The following ITGA3 variants were observed in gnomAD, a reference collection of about 807,000 sequenced individuals.
The protein encoded by ITGA3 is integrin subunit alpha 3.
ITGA3 carries 70 observed loss-of-function variants against 131.1 expected under a neutral mutation model. The ratio of observed to expected loss-of-function variants is 0.53; its 90% CI spans 0.44 to 0.65. The LOEUF is 0.65. Among genes scored for constraint, ITGA3 ranks in the 30% least tolerant of loss-of-function variants. The probability of loss-of-function intolerance (pLI) is 0.00; values close to 1 mark genes in which losing one functional copy is unlikely to be tolerated. For missense variants in ITGA3, 1,098 were observed against 1,388.6 expected, an observed-to-expected ratio of 0.79 and a Z score of 3.33; for synonymous variants, 537 against 571.6, an observed-to-expected ratio of 0.94 and a Z score of 0.86.
intron 3 of ITGA3, chr17:50,065,715 CTCTTCTT>C (rs1479378795): frequency 6.8e-6 from 1 of 146,518 alleles, no homozygotes; most frequent in Non-Finnish European, 1.5e-5. Context: ...TCTTTTCTTT[CTCTTCTT>C]TCTTCTTTCT....
chr17:50,072,226 C>T (rs1908666002), intron 7 of ITGA3, 44 bp downstream of exon 7: 1 of 1,542,826 alleles, frequency 6.5e-7, no homozygotes, highest in Non-Finnish European at 8.9e-7. Flanking sequence ...CTCCAGCACC[C>T]CTCCTCCCAG....
At chr17:50,082,523 C>T (rs7221307) in intron 23 of ITGA3, among the ~76,000 whole-genome samples, 1 of 150,974 alleles carries the variant, frequency 6.6e-6, no homozygotes, top group Non-Finnish European at 1.5e-5. Context: ...TGCTGCCCAG[C>T]CTGGTCTTGA....
chr17:50,077,105 T>C lies in ITGA3; in HGVS notation c.2054T>C (p.Leu685Pro). Reference protein sequence around the residue: ...LTLVVPPALLLSSVRPPGACQ... With the variant: ...LTLVVPPALLPSSVRPPGACQ... The stretch of plus-strand genomic sequence containing the variant: ...CTGGTGGTGCCTCCCGCCCTGCTGC[T>C]GTCCTCAGTGCGCCCCGTGAGTGCC... Residue 685 changes from leucine to proline, a missense_variant, in exon 15 of 26, where the codon CTG becomes CCG. Physicochemically the swap from Leu to Pro is moderately conservative, Grantham distance 98. Around this residue, in one of 3 missense-constraint regions of ITGA3, gnomAD observed 699 missense variants for 829.2 expected, o/e 0.84. Coordinates refer to ENST00000320031, the MANE Select transcript of ITGA3 (RefSeq NM_002204.4). The C allele has an allele frequency of 1.3e-6, 2 of 1,563,290 alleles. No homozygotes were observed. The highest frequency in any genetic ancestry group is 1.7e-6 in the Non-Finnish European group (2 of 1,150,618).
At position 50,075,546 on chromosome 17, in the gene ITGA3, G is replaced by A. The variant is rs751263682; in HGVS notation, c.1537+20G>A. On this transcript the variant is annotated intron_variant, in intron 11 of 25. Transcript: ENST00000320031. ...ACATCAGTGAGTGCTGGGGTGCAGCGTAAAAGGGGTACGCTCCCCTGTCCC... is the reference window on the plus strand; with the variant it reads ...ACATCAGTGAGTGCTGGGGTGCAGCATAAAAGGGGTACGCTCCCCTGTCCC... 22 of 1,614,092 alleles carry A rather than the reference G, an allele frequency of 1.4e-5. No individual in the cohort carries two copies. Among genetic ancestry groups the A allele is most frequent in the African/African-American group, 8.0e-5 (6 of 74,928 alleles).
rs550193417 is a variant in ITGA3 at position 50,087,894 on chromosome 17, T to C, written c.3045+25T>C. On this transcript the variant is annotated intron_variant, in intron 24 of 25. Coordinates refer to ENST00000320031, the MANE Select transcript of ITGA3 (RefSeq NM_002204.4). ...GGTTAGTAGCCCAGCCCACTCCTGC[T>C]CCGGGACCTCCACCAGCACACTCAC... The C allele has an allele frequency of 2.0e-5, 31 of 1,535,708 alleles. No homozygotes were observed. In the South Asian group the frequency reaches 3.7e-4, roughly 18 times the overall value.
intron 1 of ITGA3, among the ~76,000 whole-genome samples, chr17:50,057,247 T>C (rs555745030): frequency 6.6e-6 from 1 of 152,310 alleles, no homozygotes; most frequent in African/African-American, 2.4e-5. Flanking sequence ...GAGGAGGACT[T>C]GTCCCAACTC....
chr17:50,087,659 G>T lies in ITGA3; in HGVS notation c.2920-85G>T, dbSNP rs1909514080. Reference sequence around the variant, plus strand: ...CTACTGGCAGCAGGACAAACAGCAGGTGCCTGGGCCCAGCTAGGATAGGAA... The same window carrying T: ...CTACTGGCAGCAGGACAAACAGCAGTTGCCTGGGCCCAGCTAGGATAGGAA... On this transcript the variant is annotated intron_variant, in intron 23 of 25. Coordinates refer to ENST00000320031, the MANE Select transcript of ITGA3 (RefSeq NM_002204.4). The T allele has an allele frequency of 3.4e-6, 5 of 1,466,906 alleles. No individual in the cohort carries two copies. In the Admixed American group the frequency reaches 8.8e-5, roughly 26 times the overall value. 90.9% of individuals were successfully genotyped at this position (1,466,906 alleles called of 1,614,324 possible). A position where few individuals can be genotyped will look rare whatever the true frequency, so the allele number is the denominator to read the frequency against.
At chr17:50,086,651 T>C (rs1382296711) in intron 23 of ITGA3, 2 of 133,794 alleles carry the variant, frequency 1.5e-5, no homozygotes, top group African/African-American at 2.9e-5. Flanking sequence ...ATTGTGCCAC[T>C]GCACTCCACC....
At chr17:50,085,021 T>C (rs532078386) in intron 23 of ITGA3, among the ~76,000 whole-genome samples, 15 of 151,940 alleles carry the variant, frequency 9.9e-5, no homozygotes, top group African/African-American at 3.6e-4. Context: ...GAGACCAGCC[T>C]GGCCAACATG....
chr17:50,068,393 C>T (rs1908436192), intron 4 of ITGA3, 88 bp downstream of exon 4: 1 of 1,454,022 alleles, frequency 6.9e-7, no homozygotes, highest in East Asian at 2.3e-5. Context: ...CCTAGACCAT[C>T]CACACTAGAA....
chr17:50,085,100 G>T (rs1909329584), intron 23 of ITGA3, among the ~76,000 whole-genome samples: 1 of 151,798 alleles, frequency 6.6e-6, no homozygotes, highest in Non-Finnish European at 1.5e-5. Context: ...TACTCAGGAG[G>T]CTGAGGTAGG....
At chr17:50,060,566 G>A (rs1908029686) in intron 1 of ITGA3, among the ~76,000 whole-genome samples, 1 of 152,222 alleles carries the variant, frequency 6.6e-6, no homozygotes, top group African/African-American at 2.4e-5. Flanking sequence ...CAGAGGCCAA[G>A]AGGGGCTGTT....
In ITGA3 at chr17:50,078,304, ACCCCCACC is replaced by A; in HGVS notation, c.2297+23_2297+30del. ...TAGCATGTGGGTACCGCTCTCCACC[ACCCCCACC>A]CCAGCCTGCTGTGCCTAAGCTAGGG... is the stretch of plus-strand genomic sequence containing the variant. On this transcript the variant is annotated intron_variant, in intron 18 of 25. Coordinates refer to ENST00000320031, the MANE Select transcript of ITGA3 (RefSeq NM_002204.4). The A allele has an allele frequency of 6.3e-7, 1 of 1,596,546 alleles. No individual in the cohort carries two copies. The highest frequency in any genetic ancestry group is 8.6e-7 in the Non-Finnish European group (1 of 1,167,046).
At chr17:50,080,464 GT>G (rs1302237353) in intron 22 of ITGA3, 89 bp downstream of exon 22, 3,470 of 39,934 alleles carry the variant, frequency 0.087, 108 homozygotes, top group African/African-American at 0.27. Flanking sequence ...CATAGCATGG[GT>G]GTGTGTGTGT....
Position 50,089,729 on chromosome 17 carries a change from C to A in ITGA3, c.*651C>A, listed in dbSNP as rs1909627630. 1 of 173,198 alleles carries A rather than the reference C, an allele frequency of 5.8e-6. No homozygotes were observed. The highest frequency in any genetic ancestry group is 2.4e-5 in the African/African-American group (1 of 42,440). 10.7% of individuals were successfully genotyped at this position (173,198 alleles called of 1,614,324 possible). A position where few individuals can be genotyped will look rare whatever the true frequency, so the allele number is the denominator to read the frequency against. The stretch of plus-strand genomic sequence containing the variant: ...GTCAAAACTACTGACAGGGAGCAGC[C>A]CCCGGGCCGCTGGCTGGTGGGCCCC... On this transcript the variant is annotated 3_prime_UTR_variant, in exon 26 of 26. Coordinates refer to ENST00000320031, the MANE Select transcript of ITGA3 (RefSeq NM_002204.4).
At chr17:50,057,734 A>C (rs1907895979) in intron 1 of ITGA3, among the ~76,000 whole-genome samples, 1 of 152,180 alleles carries the variant, frequency 6.6e-6, no homozygotes, top group Non-Finnish European at 1.5e-5. Flanking sequence ...CTGAACAAGA[A>C]GACGTGGTCA....
In ITGA3 at chr17:50,079,488, A is replaced by G; in HGVS notation, c.2637A>G (p.Pro879=). The stretch of plus-strand genomic sequence containing the variant: ...AGCGCAGGCGGCGACAGCTGGATCC[A>G]GGGGGAGGCCAGGGCCCCCCACCTG... ...SPQRRRRQLD[P]GGGQGPPPVT... The change falls in exon 21 of 26, where the codon CCA becomes CCG. Residue 879 remains proline (P), a synonymous_variant. Transcript: ENST00000320031. 1 of 1,581,310 alleles carries G rather than the reference A, an allele frequency of 6.3e-7. No homozygotes were observed. The highest frequency in any genetic ancestry group is 8.6e-7 in the Non-Finnish European group (1 of 1,163,866).
Position 50,088,241 on chromosome 17 carries a change from G to C in ITGA3, c.3062G>C (p.Arg1021Pro), listed in dbSNP as rs375417831. The change falls in exon 25 of 26, where the codon CGA becomes CCA. Residue 1021 changes from arginine to proline, a missense_variant. Coordinates refer to ENST00000320031, the MANE Select transcript of ITGA3 (RefSeq NM_002204.4). ...LLLWKCGFFKRARTRALYEAK... is the reference protein window; with the variant it reads ...LLLWKCGFFKPARTRALYEAK... Reference sequence around the variant, plus strand: ...CCTCCGCAGTGCGGCTTCTTCAAGCGAGCCCGCACTCGCGCCCTGTATGAA... The same window carrying C: ...CCTCCGCAGTGCGGCTTCTTCAAGCCAGCCCGCACTCGCGCCCTGTATGAA... 6.4e-7 allele frequency: 1 copy of C among 1,569,404 alleles called. No homozygotes were observed. The highest frequency in any genetic ancestry group is 8.6e-7 in the Non-Finnish European group (1 of 1,157,202).
At chr17:50,086,891 A>C (rs1448300397) in intron 23 of ITGA3, 1 of 151,428 alleles carries the variant, frequency 6.6e-6, no homozygotes, top group Non-Finnish European at 1.5e-5. Flanking sequence ...CATCTCCACT[A>C]AAAATACAAA....
Sources: allele counts gnomAD v4.1 joint callset (sites outside exome capture counted in the v4.1 genomes callset), GRCh38; gene constraint gnomAD v4.1.1; regional missense constraint gnomAD v4.1.1; transcripts MANE v1.5; gene names NCBI Gene and HGNC (gene_info 2026-07-23, HGNC 2026-07-21).